The following LIMCH1 variants were observed in gnomAD, a reference collection of about 807,000 sequenced individuals.
The protein encoded by LIMCH1 is LIM and calponin homology domains-containing protein 1.
A neutral mutation model predicts 176.5 loss-of-function variants in LIMCH1; 113 were observed. The ratio of observed to expected loss-of-function variants is 0.64; its 90% CI spans 0.55 to 0.75. The LOEUF is 0.75. LIMCH1 is among the 30% of genes least tolerant of loss of function. The pLI is 0.00. For missense variants in LIMCH1, 1,674 were observed against 1,814.9 expected, an observed-to-expected ratio of 0.92 and a Z score of 1.41; for synonymous variants, 619 against 645.9, an observed-to-expected ratio of 0.96 and a Z score of 0.63.
At chr4:41,503,849 C>T (rs546413636) in intron 2 of LIMCH1, among the ~76,000 whole-genome samples, 3 of 152,178 alleles carry the variant, frequency 2.0e-5, no homozygotes, top group Non-Finnish European at 4.4e-5. Context: ...GAGCTTCCTC[C>T]CAGCCTTTTT....
intron 1 of LIMCH1, among the ~76,000 whole-genome samples, chr4:41,450,097 G>A (rs1347049288): frequency 6.6e-6 from 1 of 152,166 alleles, no homozygotes; most frequent in Non-Finnish European, 1.5e-5. Context: ...TGAAGGTACT[G>A]GGGGTTACGA....
intron 1 of LIMCH1, among the ~76,000 whole-genome samples, chr4:41,434,796 C>T (rs1351056505): frequency 1.3e-5 from 2 of 152,206 alleles, no homozygotes; most frequent in South Asian, 2.1e-4. Context: ...GGATTACAGG[C>T]GTGAGCCACC....
At chr4:41,424,897 A>G (rs922480070) in intron 1 of LIMCH1, among the ~76,000 whole-genome samples, 1 of 152,208 alleles carries the variant, frequency 6.6e-6, no homozygotes, top group African/African-American at 2.4e-5. Flanking sequence ...TAGGCTCTGC[A>G]GCAAAGAGAA....
chr4:41,520,368 G>A (rs564006433), intron 2 of LIMCH1, among the ~76,000 whole-genome samples: 10 of 152,062 alleles, frequency 6.6e-5, no homozygotes, highest in African/African-American at 1.4e-4. Flanking sequence ...CCAGTCTCTC[G>A]TTGGCTAAAG....
intron 5 of LIMCH1, among the ~76,000 whole-genome samples, chr4:41,616,721 C>A (rs1476382901): frequency 6.6e-6 from 1 of 151,992 alleles, no homozygotes; most frequent in African/African-American, 2.4e-5. Flanking sequence ...TATACTGGGC[C>A]GGCCACCTCC....
intron 2 of LIMCH1, among the ~76,000 whole-genome samples, chr4:41,507,435 C>T (rs1215447949): frequency 1.3e-5 from 2 of 152,112 alleles, no homozygotes; most frequent in Non-Finnish European, 2.9e-5. Flanking sequence ...TACCAAGAGT[C>T]ACCTCATTAG....
At chr4:41,638,344 A>C (rs1034568119) in intron 13 of LIMCH1, among the ~76,000 whole-genome samples, 1 of 152,194 alleles carries the variant, frequency 6.6e-6, no homozygotes, top group African/African-American at 2.4e-5. Flanking sequence ...TAAGGCTACC[A>C]GTTTTCTAGG....
intron 1 of LIMCH1, among the ~76,000 whole-genome samples, chr4:41,367,850 G>A (rs192118269): frequency 1.8e-3 from 264 of 145,390 alleles, no homozygotes; most frequent in Non-Finnish European, 2.9e-3. Context: ...CTGGGCGGCA[G>A]TGCGAGACTC....
At chr4:41,460,703 C>A (rs1160811676) in intron 1 of LIMCH1, among the ~76,000 whole-genome samples, 2 of 152,026 alleles carry the variant, frequency 1.3e-5, no homozygotes, top group Admixed American at 1.3e-4. Flanking sequence ...TAACCGTCAG[C>A]CCTCTCTTGG....
chr4:41,682,230 G>A (rs1057220169), intron 25 of LIMCH1, 103 bp from the exon 26 acceptor site: 8 of 765,476 alleles, frequency 1.0e-5, no homozygotes, highest in Non-Finnish European at 1.6e-5. Flanking sequence ...TTAAATTATA[G>A]GTAACATGAT....
chr4:41,631,009 T>C (rs1457476809), intron 9 of LIMCH1, 139 bp from the exon 10 acceptor site: 1 of 743,698 alleles, frequency 1.3e-6, no homozygotes, highest in Non-Finnish European at 2.1e-6. Flanking sequence ...TTGAGGTTGG[T>C]TGAATCCCGT....
intron 2 of LIMCH1, among the ~76,000 whole-genome samples, chr4:41,516,739 G>A (rs1348876683): frequency 6.6e-6 from 1 of 152,100 alleles, no homozygotes; most frequent in African/African-American, 2.4e-5. Flanking sequence ...GATGTGATAG[G>A]CAAGAAGAGG....
At chr4:41,667,306 A>T (rs1291259954) in intron 21 of LIMCH1, among the ~76,000 whole-genome samples, 3 of 152,096 alleles carry the variant, frequency 2.0e-5, no homozygotes, top group Admixed American at 2.0e-4. Flanking sequence ...CATGATGATT[A>T]TTGAGAAATC....
chr4:41,546,680 G>T (rs145788236), intron 1 of LIMCH1, among the ~76,000 whole-genome samples: 1 of 151,956 alleles, frequency 6.6e-6, no homozygotes, highest in Admixed American at 6.6e-5. Flanking sequence ...TGAATGTGTT[G>T]CTTCCCCTGT....
At chr4:41,584,526 T>C (rs895751598) in intron 1 of LIMCH1, among the ~76,000 whole-genome samples, 3 of 152,066 alleles carry the variant, frequency 2.0e-5, no homozygotes, top group African/African-American at 7.2e-5. Context: ...AAATTAAGAG[T>C]CTCTTAGTAA....
rs143173426 is a variant in LIMCH1, at chr4:41,592,976, C to T, written c.-240-5944C>T. Among the ~76,000 whole-genome samples the T allele has an allele frequency of 2.0e-3, 304 of 152,266 alleles. 1 individual carries two copies. Among genetic ancestry groups the T allele is most frequent in the African/African-American group, 6.4e-3 (265 of 41,540 alleles). On this transcript the variant is annotated intron_variant, in intron 1 of 31. Transcript: ENST00000503057. ...TTCATTACAGATACCTAGAAGAGTACGTAGCACATTGAATTGAGTTTATTT... is the reference window on the plus strand; with the variant it reads ...TTCATTACAGATACCTAGAAGAGTATGTAGCACATTGAATTGAGTTTATTT...
chr4:41,465,990 G>T (rs11737316), intron 1 of LIMCH1, among the ~76,000 whole-genome samples: 2 of 137,764 alleles, frequency 1.5e-5, no homozygotes, highest in Non-Finnish European at 3.0e-5. Context: ...TCAGAGTCTC[G>T]CTCTGTCTCC....
intron 1 of LIMCH1, among the ~76,000 whole-genome samples, chr4:41,482,852 G>A (rs1051399876): frequency 6.6e-5 from 10 of 152,290 alleles, no homozygotes; most frequent in African/African-American, 2.2e-4. Flanking sequence ...TAGGAAAGCT[G>A]AGGGTTGGTA....
At chr4:41,533,863 C>T (rs991355094), upstream of LIMCH1, among the ~76,000 whole-genome samples, 2 of 152,284 alleles carry the variant, frequency 1.3e-5, no homozygotes, top group East Asian at 1.9e-4. Context: ...GGCTCTGAGT[C>T]AGAAGGACCT....
Sources: allele counts gnomAD v4.1 joint callset (sites outside exome capture counted in the v4.1 genomes callset), GRCh38; gene constraint gnomAD v4.1.1; transcripts MANE v1.5; gene names NCBI Gene and HGNC (gene_info 2026-07-23, HGNC 2026-07-21).